The following ANKRD31 variants were observed in gnomAD, a reference collection of about 807,000 sequenced individuals.
ANKRD31 encodes ankyrin repeat domain-containing protein 31.
Under a neutral mutation model 186.0 loss-of-function variants are expected in ANKRD31, and 147 were observed. That is an observed-to-expected ratio of 0.79 (90% CI 0.69 to 0.91). ANKRD31 has a LOEUF of 0.91. Among genes scored for constraint, ANKRD31 ranks in the 40% least tolerant of loss-of-function variants. The pLI is 0.00. For synonymous variants in ANKRD31, 673 were observed against 736.4 expected (o/e 0.91, Z 1.39); for missense variants, 1,986 against 2,148.8 (o/e 0.92, Z 1.50).
chr5:75,136,808 T>C (rs1204927422), intron 17 of ANKRD31, among the ~76,000 whole-genome samples: 2 of 152,322 alleles, frequency 1.3e-5, no homozygotes, highest in East Asian at 3.9e-4. Flanking sequence ...AGGTGGCACA[T>C]ATACACCATG....
intron 25 of ANKRD31, 149 bp from the exon 26 acceptor site, chr5:75,068,813 T>C: frequency 1.3e-6 from 1 of 788,706 alleles, no homozygotes; most frequent in Non-Finnish European, 1.8e-6. Context: ...CAACCTATTT[T>C]CTGTACTCAA....
chr5:75,111,392 T>C (rs1747769755), intron 20 of ANKRD31, among the ~76,000 whole-genome samples: 1 of 152,166 alleles, frequency 6.6e-6, no homozygotes, highest in African/African-American at 2.4e-5. Context: ...ATGAAATAAA[T>C]ATACTAACTG....
intron 17 of ANKRD31, among the ~76,000 whole-genome samples, chr5:75,122,910 A>G (rs980169228): frequency 1.3e-5 from 2 of 152,160 alleles, no homozygotes; most frequent in Admixed American, 6.5e-5. Context: ...CTCCTGTTCA[A>G]CTTAGTACTG....
In ANKRD31 at chr5:75,068,396, C is replaced by A; in HGVS notation, c.*123G>T. ...ATACATCTTAAGAACAGTAAACATA[C>A]ATCCTAAATAGCAACTCATAAAGTG... On this transcript the variant is annotated 3_prime_UTR_variant, in exon 26 of 26. Coordinates refer to ENST00000506364, the MANE Select transcript of ANKRD31 (RefSeq NM_001372053.1). The A allele has an allele frequency of 3.4e-6, 3 of 888,810 alleles. No individual in the cohort carries two copies. The highest frequency in any genetic ancestry group is 4.7e-6 in the Non-Finnish European group (3 of 643,688). The allele number at this position is 888,810 out of a possible 1,614,324, so 55.1% of individuals were successfully genotyped here.
chr5:75,136,138 G>T (rs1750555858), intron 17 of ANKRD31, among the ~76,000 whole-genome samples: 1 of 152,148 alleles, frequency 6.6e-6, no homozygotes, highest in South Asian at 2.1e-4. Flanking sequence ...AAAAGCAATG[G>T]CAACAAAAGC....
intron 17 of ANKRD31, among the ~76,000 whole-genome samples, chr5:75,119,865 CAT>C (rs1319208818): frequency 1.3e-5 from 2 of 152,000 alleles, no homozygotes; most frequent in Non-Finnish European, 2.9e-5. Flanking sequence ...ACATTTTTTT[CAT>C]ATGTTTGTTG....
At chr5:75,141,495 G>A (rs1321952128) in intron 15 of ANKRD31, among the ~76,000 whole-genome samples, 3 of 152,070 alleles carry the variant, frequency 2.0e-5, no homozygotes, top group Non-Finnish European at 4.4e-5. Context: ...CACTTTGGGA[G>A]GCTGAGGCAG....
At chr5:75,215,162 TAA>T (rs1420166220) in intron 3 of ANKRD31, among the ~76,000 whole-genome samples, 2 of 152,156 alleles carry the variant, frequency 1.3e-5, no homozygotes, top group East Asian at 3.8e-4. Context: ...TGATAAAATC[TAA>T]AGACAGTCTG....
chr5:75,148,425 T>G, intron 13 of ANKRD31, 151 bp downstream of exon 13: 1 of 543,826 alleles, frequency 1.8e-6, no homozygotes, highest in Non-Finnish European at 3.1e-6. Context: ...CAGAACCCTC[T>G]GATTCTCATG....
At chr5:75,072,544 T>A (rs1166671033) in intron 25 of ANKRD31, among the ~76,000 whole-genome samples, 1 of 152,232 alleles carries the variant, frequency 6.6e-6, no homozygotes, top group Non-Finnish European at 1.5e-5. Context: ...GGATCCAGAC[T>A]TCTAATGAAC....
chr5:75,114,714 C>A (rs1580352740), intron 19 of ANKRD31, among the ~76,000 whole-genome samples: 2 of 152,084 alleles, frequency 1.3e-5, no homozygotes, highest in South Asian at 2.1e-4. Context: ...TGTGAAGGAC[C>A]TCTTCAAGGA....
At position 75,188,639 on chromosome 5, in the gene ANKRD31, T is replaced by C. The variant is rs1200008862; in HGVS notation, c.1418A>G (p.Lys473Arg). 1.5e-5 allele frequency: 23 copies of C among 1,527,020 alleles called. No individual in the cohort carries two copies. The Admixed American group carries it at 4.5e-4, about 30-fold the overall frequency. 94.6% of individuals were successfully genotyped at this position (1,527,020 alleles called of 1,614,324 possible). ...GCTATGAAGAGATATTTTGTTCACC[T>C]TCATTTTTTCTGAAATGAGGGAATG... Reference protein sequence around the residue: ...EQFSGKKEKMKVNKISLHSIN... With the variant: ...EQFSGKKEKMRVNKISLHSIN... The change falls in exon 10 of 26, where the codon AAG becomes AGG. Residue 473 changes from lysine to arginine, a missense_variant. By Grantham distance (26) the Lys-to-Arg change is conservative. Coordinates refer to ENST00000506364, the MANE Select transcript of ANKRD31 (RefSeq NM_001372053.1).
intron 17 of ANKRD31, among the ~76,000 whole-genome samples, chr5:75,119,079 T>A (rs930585931): frequency 1.6e-4 from 24 of 152,202 alleles, no homozygotes; most frequent in Admixed American, 1.4e-3. Flanking sequence ...ATATGTGTTC[T>A]AAATAGCAAA....
intron 9 of ANKRD31, among the ~76,000 whole-genome samples, chr5:75,191,486 C>T (rs1755108360): frequency 6.6e-6 from 1 of 152,042 alleles, no homozygotes; most frequent in Non-Finnish European, 1.5e-5. Context: ...GCTAGTCTCT[C>T]ATATTTACTT....
chr5:75,075,507 G>C (rs1361100207), intron 25 of ANKRD31, among the ~76,000 whole-genome samples: 1 of 152,092 alleles, frequency 6.6e-6, no homozygotes, highest in Non-Finnish European at 1.5e-5. Context: ...TTATCTTCTT[G>C]ATTTAATAAT....
At chr5:75,202,253 G>A (rs764261360) in intron 5 of ANKRD31, among the ~76,000 whole-genome samples, 26 of 152,108 alleles carry the variant, frequency 1.7e-4, no homozygotes, top group South Asian at 2.1e-4. Context: ...TCTCGTTGAC[G>A]AAATGATCAT....
At chr5:75,230,671 A>T in intron 1 of ANKRD31, 36 bp from the exon 2 acceptor site, 8 of 1,450,680 alleles carry the variant, frequency 5.5e-6, no homozygotes, top group Non-Finnish European at 7.5e-6. Flanking sequence ...CAAGTTGTTA[A>T]TGTGTCTTAA....
intron 17 of ANKRD31, among the ~76,000 whole-genome samples, chr5:75,126,902 T>C (rs1749300097): frequency 6.6e-6 from 1 of 152,152 alleles, no homozygotes; most frequent in Non-Finnish European, 1.5e-5. Context: ...ACTTTCTCTA[T>C]TGAATTGCCT....
chr5:75,188,751 G>T, intron 9 of ANKRD31, 103 bp from the exon 10 acceptor site: 1 of 991,754 alleles, frequency 1.0e-6, no homozygotes, highest in Non-Finnish European at 1.4e-6. Context: ...CACGAACATA[G>T]GTAACAGGAT....
Sources: gnomAD v4.1 joint callset for allele counts (sites outside exome capture counted in the v4.1 genomes callset) on GRCh38, gnomAD v4.1.1 for gene constraint, MANE v1.5 for transcripts, NCBI Gene and HGNC (gene_info 2026-07-23, HGNC 2026-07-21) for gene names.